MBD5: variants seen among roughly 807,000 people sequenced by gnomAD.
The protein encoded by MBD5 is methyl-CpG-binding domain protein 5.
Under a neutral mutation model 117.3 loss-of-function variants are expected in MBD5, and 13 were observed. The ratio of observed to expected loss-of-function variants is 0.11; its 90% CI spans 0.07 to 0.18. MBD5 has a LOEUF of 0.18. Ranked by LOEUF, MBD5 falls within the 10% of genes least tolerant of loss-of-function variation. MBD5 has a pLI of 1.00. For missense variants in MBD5, 1,879 were observed against 2,093.8 expected, an observed-to-expected ratio of 0.90 and a Z score of 2.00; for synonymous variants, 727 against 766.4, an observed-to-expected ratio of 0.95 and a Z score of 0.85.
intron 4 of MBD5, among the ~76,000 whole-genome samples, chr2:148,401,842 A>G (rs1048228716): frequency 6.6e-6 from 1 of 152,070 alleles, no homozygotes; most frequent in Non-Finnish European, 1.5e-5. Flanking sequence ...TCATGTCTCC[A>G]TCATCTCCTC....
At chr2:148,437,374 C>T (rs973596324) in intron 4 of MBD5, among the ~76,000 whole-genome samples, 1 of 152,206 alleles carries the variant, frequency 6.6e-6, no homozygotes, top group African/African-American at 2.4e-5. Context: ...AAGACCACTG[C>T]TGCAGCATAT....
chr2:148,206,541 C>CT (rs1699287597), intron 2 of MBD5, among the ~76,000 whole-genome samples: 1 of 152,032 alleles, frequency 6.6e-6, no homozygotes, highest in Non-Finnish European at 1.5e-5. Flanking sequence ...GCTATTGAAC[C>CT]CTAGAACTTA....
At chr2:148,259,895 C>T (rs1239938226) in intron 3 of MBD5, among the ~76,000 whole-genome samples, 1 of 152,138 alleles carries the variant, frequency 6.6e-6, no homozygotes, top group East Asian at 1.9e-4. Flanking sequence ...TATGTAAATA[C>T]CTTGATTTAA....
intron 4 of MBD5, among the ~76,000 whole-genome samples, chr2:148,350,711 CATCT>C (rs1203053329): frequency 6.6e-6 from 1 of 151,988 alleles, no homozygotes; most frequent in African/African-American, 2.4e-5. Context: ...TATTTCTTAG[CATCT>C]ATCCTGCTAA....
chr2:148,460,950 T>C (rs1269902423), intron 5 of MBD5, among the ~76,000 whole-genome samples: 1 of 152,204 alleles, frequency 6.6e-6, no homozygotes, highest in Admixed American at 6.5e-5. Flanking sequence ...CTTGTTGTTT[T>C]TGAGACAAAG....
chr2:148,102,652 A>G (rs1480364494), intron 1 of MBD5, among the ~76,000 whole-genome samples: 1 of 145,386 alleles, frequency 6.9e-6, no homozygotes, highest in Non-Finnish European at 1.5e-5. Flanking sequence ...GTCAGAATTA[A>G]ATTGCTTATT....
At chr2:148,427,207 C>A (rs1705823367) in intron 4 of MBD5, among the ~76,000 whole-genome samples, 1 of 152,150 alleles carries the variant, frequency 6.6e-6, no homozygotes, top group East Asian at 1.9e-4. Context: ...GTTGGTGGGA[C>A]TGTAAACTAG....
rs2656326 is a variant in MBD5 at position 148,339,926 on chromosome 2, A to C, written c.-679-2288A>C. ...TTGTGCATAACTATACCTGCTGTGT[A>C]ATTCCCAGAGGCTGTATAATTTCCA... On this transcript the variant is annotated intron_variant, in intron 3 of 13. Coordinates refer to ENST00000642680, the MANE Select transcript of MBD5 (RefSeq NM_001378120.1). 5.1e-3 allele frequency among the ~76,000 whole-genome samples: 770 copies of C among 152,240 alleles called. 9 individuals carry two copies. The highest frequency in any genetic ancestry group is 0.018 in the African/African-American group (744 of 41,556).
chr2:148,494,870 G>C (rs1681651050), intron 11 of MBD5, among the ~76,000 whole-genome samples: 1 of 152,146 alleles, frequency 6.6e-6, no homozygotes, highest in South Asian at 2.1e-4. Flanking sequence ...GGCTGAGGCA[G>C]GAAAATGCCG....
intron 4 of MBD5, among the ~76,000 whole-genome samples, chr2:148,362,305 G>A (rs1390853516): frequency 6.6e-6 from 1 of 152,022 alleles, no homozygotes; most frequent in Non-Finnish European, 1.5e-5. Flanking sequence ...TGGGGGGAGG[G>A]GCATCCACCA....
chr2:148,142,198 G>A (rs1421278478), intron 1 of MBD5, among the ~76,000 whole-genome samples: 1 of 152,080 alleles, frequency 6.6e-6, no homozygotes, highest in East Asian at 1.9e-4. Flanking sequence ...GAAAGAATAT[G>A]TTAAATTTTC....
At chr2:148,124,658 G>A (rs1696847582) in intron 1 of MBD5, among the ~76,000 whole-genome samples, 1 of 152,184 alleles carries the variant, frequency 6.6e-6, no homozygotes, top group Non-Finnish European at 1.5e-5. Context: ...TGTTCCTGGA[G>A]TGTTAAGGTT....
intron 1 of MBD5, among the ~76,000 whole-genome samples, chr2:148,126,934 T>A (rs1405539347): frequency 6.6e-6 from 1 of 151,940 alleles, no homozygotes. Context: ...AAATTATTAG[T>A]AACAAAGTAC....
At chr2:148,502,655 G>A in intron 12 of MBD5, 146 bp downstream of exon 12, 2 of 762,852 alleles carry the variant, frequency 2.6e-6, no homozygotes, top group Non-Finnish European at 4.6e-6. Context: ...GACCATTATA[G>A]ACAAGCCAAA....
intron 2 of MBD5, among the ~76,000 whole-genome samples, chr2:148,223,221 G>A (rs1454364865): frequency 1.3e-5 from 2 of 151,748 alleles, no homozygotes; most frequent in East Asian, 3.9e-4. Context: ...ACTGGCCTGT[G>A]GTTTTCTTTT....
intron 4 of MBD5, among the ~76,000 whole-genome samples, chr2:148,373,659 A>G (rs1007716386): frequency 2.6e-5 from 4 of 152,016 alleles, no homozygotes; most frequent in African/African-American, 9.7e-5. Flanking sequence ...CAACCTCTCT[A>G]TATGCAAAGT....
intron 1 of MBD5, chr2:148,071,788 AGAGGAT>A (rs1172700911): frequency 6.6e-6 from 1 of 152,226 alleles, no homozygotes; most frequent in Admixed American, 6.5e-5. Flanking sequence ...AATATTTCAT[AGAGGAT>A]GCTACGTTGG....
intron 4 of MBD5, among the ~76,000 whole-genome samples, chr2:148,404,793 T>C (rs1176769291): frequency 6.6e-6 from 1 of 152,214 alleles, no homozygotes; most frequent in African/African-American, 2.4e-5. Context: ...GACCCTTATT[T>C]TTCCAGGTTG....
chr2:148,268,861 A>T (rs895457586), intron 3 of MBD5, among the ~76,000 whole-genome samples: 3 of 151,850 alleles, frequency 2.0e-5, no homozygotes, highest in Non-Finnish European at 4.4e-5. Context: ...CTTATTTTTA[A>T]AATCTAATAT....
Sources: gnomAD v4.1 joint callset for allele counts (sites outside exome capture counted in the v4.1 genomes callset) on GRCh38, gnomAD v4.1.1 for gene constraint, MANE v1.5 for transcripts, NCBI Gene and HGNC (gene_info 2026-07-23, HGNC 2026-07-21) for gene names.